The following ABCG8 variants were observed in gnomAD, a reference collection of about 807,000 sequenced individuals.
ABCG8 encodes ATP-binding cassette sub-family G member 8.
ABCG8 carries 81 observed loss-of-function variants against 71.3 expected under a neutral mutation model. The ratio of observed to expected loss-of-function variants is 1.14; its 90% confidence interval spans 0.95 to 1.37. ABCG8 has a LOEUF of 1.37. Ranked by LOEUF, ABCG8 falls within the 40% of genes most tolerant of loss-of-function variation. The probability of loss-of-function intolerance (pLI) is 0.00; values close to 1 mark genes in which losing one functional copy is unlikely to be tolerated. For synonymous variants in ABCG8, 451 were observed against 354.7 expected (o/e 1.27, Z -3.05); for missense variants, 1,119 against 866.2 (o/e 1.29, Z -3.66).
At chr2:43,871,879 G>T (rs1483987269) in intron 6 of ABCG8, 97 bp from the exon 7 acceptor site, 19 of 1,550,878 alleles carry the variant, frequency 1.2e-5, no homozygotes, top group Admixed American at 1.7e-5. Flanking sequence ...CCCACGAGGG[G>T]TGATCAGCAT....
At chr2:43,876,124 T>C (rs1408579127) in intron 11 of ABCG8, among the ~76,000 whole-genome samples, 1 of 152,140 alleles carries the variant, frequency 6.6e-6, no homozygotes, top group Non-Finnish European at 1.5e-5. Context: ...CCGCTGAGTC[T>C]CCTCAGCCCA....
intron 6 of ABCG8, among the ~76,000 whole-genome samples, chr2:43,871,632 G>C (rs1292879241): frequency 6.6e-6 from 1 of 152,212 alleles, no homozygotes; most frequent in Admixed American, 6.5e-5. Flanking sequence ...ACTGTCATGT[G>C]GCCCTTGGCT....
In ABCG8 at chr2:43,873,959, A is replaced by G; in HGVS notation, c.1384A>G (p.Asn462Asp). 1 of 1,614,048 alleles carries G rather than the reference A, an allele frequency of 6.2e-7. No homozygotes were observed. Among genetic ancestry groups the G allele is most frequent in the East Asian group, 2.2e-5 (1 of 44,872 alleles). Residue 462 changes from asparagine to aspartate, a missense_variant, in exon 9 of 13, where the codon AAC becomes GAC. Coordinates refer to ENST00000272286, the MANE Select transcript of ABCG8 (RefSeq NM_022437.3). ...LFMIGALIPF[N>D]VILDVISKCY... ...CATGATCGGTGCTCTCATCCCTTTC[A>G]ACGTCATTCTGGATGTCATCTCCAA...
At chr2:43,876,654 AC>A (rs1210521770) in intron 11 of ABCG8, among the ~76,000 whole-genome samples, 1 of 147,724 alleles carries the variant, frequency 6.8e-6, no homozygotes, top group African/African-American at 2.5e-5. Flanking sequence ...ATATGGGGAG[AC>A]TGTGGGAATA....
chr2:43,863,804 C>T (rs1258655069), intron 6 of ABCG8, among the ~76,000 whole-genome samples: 2 of 151,290 alleles, frequency 1.3e-5, no homozygotes, highest in African/African-American at 2.4e-5. Context: ...ATAGGACTCT[C>T]ACTACCTGTC....
rs1668952954 is a variant in ABCG8 at position 43,852,425 on chromosome 2, G to T, written c.633G>T (p.Arg211=). ...CCCGCGTGGGCAACATGTACGTGCGGGGGTTGTCGGGGGGTGAGCGCAGGA... is the reference window on the plus strand; with the variant it reads ...CCCGCGTGGGCAACATGTACGTGCGTGGGTTGTCGGGGGGTGAGCGCAGGA... The part of the protein sequence containing the change: ...ADTRVGNMYV[R]GLSGGERRRV... Residue 211 remains arginine, a synonymous_variant, in exon 5 of 13, where the codon CGG becomes CGT. Transcript: ENST00000272286. 3.1e-6 allele frequency: 5 copies of T among 1,612,822 alleles called. No homozygotes were observed. In the East Asian group the frequency reaches 1.1e-4, roughly 36 times the overall value.
At chr2:43,854,857 A>G (rs189134151) in intron 6 of ABCG8, among the ~76,000 whole-genome samples, 51 of 152,116 alleles carry the variant, frequency 3.4e-4, no homozygotes, top group Non-Finnish European at 5.9e-4. Flanking sequence ...GCAAGAGGAC[A>G]GCTGTGGTGT....
intron 6 of ABCG8, among the ~76,000 whole-genome samples, chr2:43,868,925 A>G (rs1048344983): frequency 5.5e-4 from 83 of 152,022 alleles, no homozygotes; most frequent in African/African-American, 2.0e-3. Context: ...CACTCTGTGG[A>G]TAGAACTGTC....
chr2:43,852,274 G>A (rs1280164060), intron 4 of ABCG8, 80 bp from the exon 5 acceptor site: 24 of 1,597,366 alleles, frequency 1.5e-5, no homozygotes, highest in East Asian at 4.5e-5. Context: ...AGGAGCGGGC[G>A]CCTTTATCCT....
At chr2:43,860,645 C>A (rs1281558846) in intron 6 of ABCG8, among the ~76,000 whole-genome samples, 1 of 149,410 alleles carries the variant, frequency 6.7e-6, no homozygotes, top group Non-Finnish European at 1.5e-5. Flanking sequence ...ATAGAACTCT[C>A]GCTATCTGGA....
chr2:43,866,536 G>A (rs1056697905), intron 6 of ABCG8, among the ~76,000 whole-genome samples: 1 of 151,952 alleles, frequency 6.6e-6, no homozygotes, highest in African/African-American at 2.4e-5. Context: ...GTGGGCGAAG[G>A]ACATGAATAG....
At chr2:43,869,197 T>A (rs6755809) in intron 6 of ABCG8, among the ~76,000 whole-genome samples, 121,660 of 151,468 alleles carry the variant, frequency 0.8, 49,256 homozygotes, top group East Asian at 0.99. Flanking sequence ...CTCACTATCA[T>A]TCTGGACATA....
Position 43,873,968 on chromosome 2 carries a change from C to G in ABCG8, c.1393C>G (p.Leu465Val). ...IGALIPFNVI[L>V]DVISKCYSER... ...TGCTCTCATCCCTTTCAACGTCATT[C>G]TGGATGTCATCTCCAAATGTGAGTG... Residue 465 changes from leucine (L) to valine (V), a missense_variant, in exon 9 of 13, where the codon CTG (leucine) becomes GTG (valine). Transcript: ENST00000272286. 1.2e-6 allele frequency: 2 copies of G among 1,614,050 alleles called. No individual in the cohort carries two copies. Among genetic ancestry groups the G allele is most frequent in the Non-Finnish European group, 1.7e-6 (2 of 1,180,036 alleles).
intron 3 of ABCG8, chr2:43,848,444 G>A (rs1668813079): frequency 6.6e-6 from 1 of 152,208 alleles, no homozygotes; most frequent in Non-Finnish European, 1.5e-5. Flanking sequence ...CTGAGACTCA[G>A]CAACTTGTCT....
chr2:43,872,110 G>A lies in ABCG8; in HGVS notation c.1099G>A (p.Asp367Asn), dbSNP rs769649113. ...DDFLWKAETK[D>N]LDEDTCVESS... ...CTTTCTATGGAAAGCAGAGACGAAGGATCTTGACGAGGACACCTGTGTGGA... is the reference window on the plus strand; with the variant it reads ...CTTTCTATGGAAAGCAGAGACGAAGAATCTTGACGAGGACACCTGTGTGGA... Residue 367 changes from aspartate to asparagine, a missense_variant, in exon 7 of 13, where the codon GAT (aspartate) becomes AAT (asparagine). By Grantham distance (23) the Asp-to-Asn change is conservative. Transcript: ENST00000272286. 6.2e-7 allele frequency: 1 copy of A among 1,614,008 alleles called. No homozygotes were observed. The highest frequency in any genetic ancestry group is 1.3e-5 in the African/African-American group (1 of 74,926).
At position 43,872,223 on chromosome 2, in the gene ABCG8, C is replaced by T. The variant is rs546556227; in HGVS notation, c.1128C>T (p.Ser376=). The change falls in exon 8 of 13, where the codon AGC becomes AGT. Residue 376 remains serine (S), a splice_region_variant and synonymous_variant. Coordinates refer to ENST00000272286, the MANE Select transcript of ABCG8 (RefSeq NM_022437.3). ...KDLDEDTCVE[S]SVTPLDTNCL... ...CCTGGCCACATCTTCTGCCTCCCAG[C>T]AGCGTGACCCCACTAGACACCAACT... is the stretch of plus-strand genomic sequence containing the variant. The T allele has an allele frequency of 6.2e-7, 1 of 1,614,020 alleles. No homozygotes were observed. Among genetic ancestry groups the T allele is most frequent in the South Asian group, 1.1e-5 (1 of 91,080 alleles).
chr2:43,860,887 T>C (rs1008391785), intron 6 of ABCG8, among the ~76,000 whole-genome samples: 2 of 150,794 alleles, frequency 1.3e-5, no homozygotes, highest in Non-Finnish European at 3.0e-5. Flanking sequence ...ACTCTCTGCA[T>C]AGAACTCTCA....
intron 1 of ABCG8, among the ~76,000 whole-genome samples, chr2:43,842,049 C>A (rs1668596775): frequency 6.6e-6 from 1 of 151,990 alleles, no homozygotes; most frequent in Non-Finnish European, 1.5e-5. Flanking sequence ...CGCTGTGGCC[C>A]AGGCTGGAGT....
chr2:43,857,515 C>G (rs892499931), intron 6 of ABCG8, among the ~76,000 whole-genome samples: 2 of 151,746 alleles, frequency 1.3e-5, no homozygotes, highest in Non-Finnish European at 3.0e-5. Context: ...AGAACCCTCA[C>G]TATCTATATG....
Sources: gnomAD v4.1 joint callset for allele counts (sites outside exome capture counted in the v4.1 genomes callset) on GRCh38, gnomAD v4.1.1 for gene constraint, MANE v1.5 for transcripts, NCBI Gene and HGNC (gene_info 2026-07-23, HGNC 2026-07-21) for gene names.